Variants in MRPS33 observed in about 807,000 individuals in gnomAD.
MRPS33 encodes the protein mitochondrial ribosomal protein S33.
MRPS33 carries 11 observed loss-of-function variants against 11.2 expected under a neutral mutation model. The observed-to-expected ratio is 0.99, with a 90% confidence interval of 0.62 to 1.63. The LOEUF (loss-of-function observed/expected upper bound fraction) is 1.63. Ranked by LOEUF, MRPS33 falls within the 40% of genes most tolerant of loss-of-function variation. The probability of loss-of-function intolerance (pLI) is 0.00; values close to 1 mark genes in which losing one functional copy is unlikely to be tolerated. For missense variants in MRPS33, 109 were observed against 127.8 expected (o/e 0.85, Z 0.71); for synonymous variants, 46 against 44.0 (o/e 1.05, Z -0.18).
In MRPS33 at chr7:141,003,462, T is replaced by C. The variant is rs1820453337; in HGVS notation, c.*2968A>G. On this transcript the variant is annotated 3_prime_UTR_variant, in exon 3 of 3. Transcript: ENST00000324787. ...CTTATGTACAAATGTATTTTAGCTTTCATTTCTGATTTTCAGCCTGGAGCA... is the reference window on the plus strand; with the variant it reads ...CTTATGTACAAATGTATTTTAGCTTCCATTTCTGATTTTCAGCCTGGAGCA... 1 of 152,258 alleles carries C rather than the reference T, an allele frequency of 6.6e-6. No homozygotes were observed. The highest frequency in any genetic ancestry group is 2.4e-5 in the African/African-American group (1 of 41,472). 9.4% of individuals were successfully genotyped at this position (152,258 alleles called of 1,614,324 possible). A position where few individuals can be genotyped will look rare whatever the true frequency, so the allele number is the denominator to read the frequency against.
Position 141,006,208 on chromosome 7 carries a change from T to G in MRPS33, c.*222A>C. 3.6e-6 allele frequency: 2 copies of G among 554,770 alleles called. No individual in the cohort carries two copies. The highest frequency in any genetic ancestry group is 6.1e-5 in the East Asian group (2 of 32,972). 34.4% of individuals were successfully genotyped at this position (554,770 alleles called of 1,614,324 possible). A position where few individuals can be genotyped will look rare whatever the true frequency, so the allele number is the denominator to read the frequency against. On this transcript the variant is annotated 3_prime_UTR_variant, in exon 3 of 3. Transcript: ENST00000324787. ...ATTTCATTAGAGAATCAGGTAAACCTCACATTACACGGCCAAGGCCAAGAT... is the reference window on the plus strand; with the variant it reads ...ATTTCATTAGAGAATCAGGTAAACCGCACATTACACGGCCAAGGCCAAGAT...
intron 2 of MRPS33, among the ~76,000 whole-genome samples, chr7:141,007,628 T>G (rs1426990424): frequency 6.6e-6 from 1 of 152,168 alleles, no homozygotes; most frequent in Non-Finnish European, 1.5e-5. Flanking sequence ...TCCCGGTACC[T>G]GCACGCCTCC....
chr7:141,007,609 C>T (rs1383732039), intron 2 of MRPS33, among the ~76,000 whole-genome samples: 1 of 152,196 alleles, frequency 6.6e-6, no homozygotes, highest in Non-Finnish European at 1.5e-5. Context: ...CGTCTCCAGT[C>T]CCACACCCTC....
At chr7:141,010,246 T>C (rs1820640527) in intron 2 of MRPS33, 173 bp downstream of exon 2, 1 of 594,154 alleles carries the variant, frequency 1.7e-6, no homozygotes, top group East Asian at 2.8e-5. Context: ...TTTTTTTTGG[T>C]CTCTCCATTA....
In MRPS33 at chr7:141,006,477, C is replaced by T. The variant is rs747709633; in HGVS notation, c.274G>A (p.Glu92Lys). The T allele has an allele frequency of 1.2e-6, 2 of 1,614,038 alleles. No homozygotes were observed. The highest frequency in any genetic ancestry group is 2.2e-5 in the East Asian group (1 of 44,876). Residue 92 changes from glutamate to lysine, a missense_variant, in exon 3 of 3, where the codon GAG becomes AAG. Physicochemically the swap from Glu to Lys is moderately conservative, Grantham distance 56. Coordinates refer to ENST00000324787, the MANE Select transcript of MRPS33 (RefSeq NM_053035.3). ...QKRLKKLRGK[E>K]KPKKGEGKRA... ...TTCCCTTCTCCTTTCTTTGGTTTCT[C>T]CTTTCCACGAAGCTTCTTTAGTCGT...
rs56343833 is a variant in MRPS33, at chr7:141,012,173, C to CA, written c.-27-1514dup. Among the ~76,000 whole-genome samples, 126 of 58,762 alleles carry CA rather than the reference C, an allele frequency of 2.1e-3. 8 individuals carry two copies. Among genetic ancestry groups the CA allele is most frequent in the South Asian group, 0.011 (13 of 1,212 alleles). 38.6% of individuals were successfully genotyped at this position (58,762 alleles called of 152,430 possible). On this transcript the variant is annotated intron_variant, in intron 1 of 2. Transcript: ENST00000324787. ...TGAGTGACAGAGCAAGATTGTGTGTCAAAAAAAAAAAAAAAAAAAAAGCAG... is the reference window on the plus strand; with the variant it reads ...TGAGTGACAGAGCAAGATTGTGTGTCAAAAAAAAAAAAAAAAAAAAAAGCAG...
At chr7:141,006,588 T>C (rs1820536418) in intron 2 of MRPS33, 53 bp from the exon 3 acceptor site, 1 of 1,437,078 alleles carries the variant, frequency 7.0e-7, no homozygotes, top group Non-Finnish European at 9.8e-7. Flanking sequence ...AGTAGAAAAG[T>C]ACACTAATCT....
intron 1 of MRPS33, among the ~76,000 whole-genome samples, chr7:141,012,190 A>AAAAAAAAAAAC (rs1563068794): frequency 6.7e-6 from 1 of 149,748 alleles, no homozygotes; most frequent in Non-Finnish European, 1.5e-5. Context: ...AAAAAAAAAA[A>AAAAAAAAAAAC]AAAAGCAGAG....
chr7:141,013,210 G>C (rs1374302245), intron 1 of MRPS33, among the ~76,000 whole-genome samples: 1 of 152,192 alleles, frequency 6.6e-6, no homozygotes, highest in Non-Finnish European at 1.5e-5. Flanking sequence ...TGACAAGATA[G>C]CCAGGAGGAG....
At position 141,006,490 on chromosome 7, in the gene MRPS33, C is replaced by A. The variant is rs980562741; in HGVS notation, c.261G>T (p.Lys87Asn). The A allele has an allele frequency of 6.2e-7, 1 of 1,614,018 alleles. No individual in the cohort carries two copies. Among genetic ancestry groups the A allele is most frequent in the African/African-American group, 1.3e-5 (1 of 75,058 alleles). ...TCTTTGGTTTCTCCTTTCCACGAAG[C>A]TTCTTTAGTCGTTTTTGCTCATCCA... ...DFMDEQKRLK[K>N]LRGKEKPKKG... The change falls in exon 3 of 3, where the codon AAG becomes AAT. Residue 87 changes from lysine to asparagine, a missense_variant. Lys to Asn is a moderately conservative substitution (Grantham distance 94, BLOSUM62 0). Coordinates refer to ENST00000324787, the MANE Select transcript of MRPS33 (RefSeq NM_053035.3).
chr7:141,009,285 C>A (rs1159021793), intron 2 of MRPS33, among the ~76,000 whole-genome samples: 1 of 151,710 alleles, frequency 6.6e-6, no homozygotes, highest in South Asian at 2.1e-4. Flanking sequence ...GCGTGTGCCA[C>A]CACGCCCAGC....
intron 1 of MRPS33, among the ~76,000 whole-genome samples, chr7:141,011,567 C>A (rs1005722854): frequency 6.6e-6 from 1 of 152,028 alleles, no homozygotes; most frequent in Non-Finnish European, 1.5e-5. Flanking sequence ...TCAGTTTAGA[C>A]CAGACGTAGG....
Position 141,006,383 on chromosome 7 carries a change from T to G in MRPS33, c.*47A>C. 18 of 1,507,754 alleles carry G rather than the reference T, an allele frequency of 1.2e-5. No homozygotes were observed. The highest frequency in any genetic ancestry group is 1.6e-5 in the Non-Finnish European group (18 of 1,091,984). The allele number at this position is 1,507,754 out of a possible 1,614,324, so 93.4% of individuals were successfully genotyped here. On this transcript the variant is annotated 3_prime_UTR_variant, in exon 3 of 3. Coordinates refer to ENST00000324787, the MANE Select transcript of MRPS33 (RefSeq NM_053035.3). The stretch of plus-strand genomic sequence containing the variant: ...GTGGAAAGACAATAAATGCACTTTC[T>G]TCTCTCCGCCACTGAGGAAGAAAGT...
rs1820484414 is a variant in MRPS33, at chr7:141,004,810, T to TGGCA, written c.*1616_*1619dup. 6.6e-6 allele frequency: 1 copy of TGGCA among 152,130 alleles called. No individual in the cohort carries two copies. The highest frequency in any genetic ancestry group is 1.5e-5 in the Non-Finnish European group (1 of 68,034). 9.4% of individuals were successfully genotyped at this position (152,130 alleles called of 1,614,324 possible). A position where few individuals can be genotyped will look rare whatever the true frequency, so the allele number is the denominator to read the frequency against. On this transcript the variant is annotated 3_prime_UTR_variant, in exon 3 of 3. Coordinates refer to ENST00000324787, the MANE Select transcript of MRPS33 (RefSeq NM_053035.3). ...CTTTGTTGCCCAGGCTGGAGTGCAG[T>TGGCA]GGCACCATCTCAGCTTACTGCAAGC...
intron 1 of MRPS33, among the ~76,000 whole-genome samples, chr7:141,012,135 G>GTACTCTAT (rs1350186141): frequency 1.6e-5 from 2 of 121,282 alleles, no homozygotes; most frequent in Non-Finnish European, 3.2e-5. Flanking sequence ...CTGCACTACT[G>GTACTCTAT]TACTCTATAG....
In MRPS33 at chr7:141,006,250, A is replaced by T; in HGVS notation, c.*180T>A. ...GGCCAAGATAATTTTGCACAGTTAGAATGTGTTCAAGAAACCAGCCACAAT... is the reference window on the plus strand; with the variant it reads ...GGCCAAGATAATTTTGCACAGTTAGTATGTGTTCAAGAAACCAGCCACAAT... On this transcript the variant is annotated 3_prime_UTR_variant, in exon 3 of 3. Transcript: ENST00000324787. 1.6e-6 allele frequency: 1 copy of T among 618,420 alleles called. No individual in the cohort carries two copies. The highest frequency in any genetic ancestry group is 2.8e-5 in the East Asian group (1 of 36,118). The allele number at this position is 618,420 out of a possible 1,614,324, so 38.3% of individuals were successfully genotyped here. A position where few individuals can be genotyped will look rare whatever the true frequency, so the allele number is the denominator to read the frequency against.
rs533769528 is a variant in MRPS33, at chr7:141,005,042, C to G, written c.*1388G>C. The G allele has an allele frequency of 6.6e-6, 1 of 152,260 alleles. No individual in the cohort carries two copies. The highest frequency in any genetic ancestry group is 6.5e-5 in the Admixed American group (1 of 15,278). 9.4% of individuals were successfully genotyped at this position (152,260 alleles called of 1,614,324 possible). On this transcript the variant is annotated 3_prime_UTR_variant, in exon 3 of 3. Transcript: ENST00000324787. ...GATTACAGGCGTGAGCCACTGTGCC[C>G]GGCCAAGCCTTCACAATTTCTTTGG... is the stretch of plus-strand genomic sequence containing the variant.
At chr7:141,008,995 A>C (rs1034332000) in intron 2 of MRPS33, among the ~76,000 whole-genome samples, 8 of 151,466 alleles carry the variant, frequency 5.3e-5, no homozygotes, top group Admixed American at 5.3e-4. Context: ...GGGTTTCACC[A>C]TGTTGGCCAG....
chr7:141,006,411 C>G lies in MRPS33; in HGVS notation c.*19G>C, dbSNP rs1351202325. On this transcript the variant is annotated 3_prime_UTR_variant, in exon 3 of 3. Coordinates refer to ENST00000324787, the MANE Select transcript of MRPS33 (RefSeq NM_053035.3). ...TCTCCGCCACTGAGGAAGAAAGTCT[C>G]CCTCTTGAGGGACCAACACTATTTC... The G allele has an allele frequency of 3.1e-6, 5 of 1,590,822 alleles. No homozygotes were observed. The highest frequency in any genetic ancestry group is 4.3e-6 in the Non-Finnish European group (5 of 1,161,292).
Sources: gnomAD v4.1 joint callset for allele counts (sites outside exome capture counted in the v4.1 genomes callset) on GRCh38, gnomAD v4.1.1 for gene constraint, MANE v1.5 for transcripts, NCBI Gene and HGNC (gene_info 2026-07-23, HGNC 2026-07-21) for gene names.